Variants in EXT1 observed in about 807,000 individuals in gnomAD.
The protein encoded by EXT1 is exostosin glycosyltransferase 1.
EXT1 carries 20 observed loss-of-function variants against 82.5 expected under a neutral mutation model. That is an observed-to-expected ratio of 0.24 (90% CI 0.17 to 0.35). EXT1 has a LOEUF of 0.35. Ranked by LOEUF, EXT1 falls within the 10% of genes least tolerant of loss-of-function variation. The pLI is 1.00. For synonymous variants in EXT1, 348 were observed against 350.8 expected (o/e 0.99, Z 0.09); for missense variants, 757 against 936.5 (o/e 0.81, Z 2.50).
rs1363815113 is a variant in EXT1, at chr8:117,799,852, G to A, written c.2101C>T (p.Arg701Ter). 1.9e-6 allele frequency: 3 copies of A among 1,614,154 alleles called. No homozygotes were observed. The highest frequency in any genetic ancestry group is 2.5e-6 in the Non-Finnish European group (3 of 1,180,036). Residue 701 changes from arginine (R) to a stop codon, truncating the protein, a stop_gained, in exon 11 of 11, where the codon CGA becomes TGA. Transcript: ENST00000378204. LOFTEE classifies it high-confidence loss of function. ...RWADPDHFAQRQSCMNTFASW... is the reference protein window; with the variant it reads ...RWADPDHFAQ ...GCAAACGTATTCATGCAGCTCTGTC[G>A]CTGGGCAAAGTGGTCAGGGTCAGCC...
chr8:118,007,251 C>G (rs141878999), intron 1 of EXT1, among the ~76,000 whole-genome samples: 281 of 151,898 alleles, frequency 1.8e-3, no homozygotes, highest in African/African-American at 6.5e-3. Context: ...GAGCTGAGAT[C>G]GCGCCACTGC....
At chr8:117,952,097 A>T (rs1458417756) in intron 1 of EXT1, among the ~76,000 whole-genome samples, 1 of 152,228 alleles carries the variant, frequency 6.6e-6, no homozygotes, top group Non-Finnish European at 1.5e-5. Context: ...GTATCAGAAC[A>T]CATAAAAACA....
In EXT1 at chr8:117,896,565, T is replaced by G. The variant is rs182550686; in HGVS notation, c.963-59364A>C. Reference sequence around the variant, plus strand: ...CACTCCTCTGCCAACTCTCACGGCTTACATTACCGAGCCATCATCCAGATT... The same window carrying G: ...CACTCCTCTGCCAACTCTCACGGCTGACATTACCGAGCCATCATCCAGATT... On this transcript the variant is annotated intron_variant, in intron 1 of 10. Coordinates refer to ENST00000378204, the MANE Select transcript of EXT1 (RefSeq NM_000127.3). Among the ~76,000 whole-genome samples the G allele has an allele frequency of 4.5e-4, 68 of 152,298 alleles. 1 individual carries two copies. Among genetic ancestry groups the G allele is most frequent in the South Asian group, 1.5e-3 (7 of 4,824 alleles).
In EXT1 at chr8:118,066,506, G is replaced by A. The variant is rs546556608; in HGVS notation, c.962+43579C>T. ...CCTGAGTAACTGGAATTACAGGTGCGCACCACCCACACCCAAAATAGTTTT... is the reference window on the plus strand; with the variant it reads ...CCTGAGTAACTGGAATTACAGGTGCACACCACCCACACCCAAAATAGTTTT... On this transcript the variant is annotated intron_variant, in intron 1 of 10. Transcript: ENST00000378204. 1.0e-4 allele frequency among the ~76,000 whole-genome samples: 15 copies of A among 150,480 alleles called. No homozygotes were observed. In the East Asian group the frequency reaches 2.7e-3, roughly 27 times the overall value.
intron 1 of EXT1, among the ~76,000 whole-genome samples, chr8:117,978,707 T>C (rs909579602): frequency 5.3e-4 from 80 of 152,214 alleles, no homozygotes; most frequent in African/African-American, 1.7e-3. Flanking sequence ...TAATGGTACT[T>C]GTTTGAAAGC....
At chr8:118,062,715 A>G (rs1486730238) in intron 1 of EXT1, among the ~76,000 whole-genome samples, 5 of 152,202 alleles carry the variant, frequency 3.3e-5, no homozygotes, top group Admixed American at 3.3e-4. Context: ...CAGCAGGAAA[A>G]GGGACGGTCC....
At chr8:117,830,920 T>C (rs1394600036) in intron 3 of EXT1, among the ~76,000 whole-genome samples, 1 of 152,216 alleles carries the variant, frequency 6.6e-6, no homozygotes, top group African/African-American at 2.4e-5. Flanking sequence ...CTTCAGCCTT[T>C]ACCCAAGTCT....
chr8:117,848,729 T>C (rs1481147208), intron 1 of EXT1, among the ~76,000 whole-genome samples: 1 of 152,174 alleles, frequency 6.6e-6, no homozygotes, highest in Non-Finnish European at 1.5e-5. Context: ...CTTCTTCCTA[T>C]ACCTCCTTAA....
rs534301708 is a variant in EXT1, at chr8:118,002,192, T to A, written c.962+107893A>T. On this transcript the variant is annotated intron_variant, in intron 1 of 10. Transcript: ENST00000378204. ...TTTTCAAAATAATTCTTCCTCAGCATAAACTCCATTTAAAAAAACATATAT... is the reference window on the plus strand; with the variant it reads ...TTTTCAAAATAATTCTTCCTCAGCAAAAACTCCATTTAAAAAAACATATAT... Among the ~76,000 whole-genome samples, 13 of 152,166 alleles carry A rather than the reference T, an allele frequency of 8.5e-5. No individual in the cohort carries two copies. In the South Asian group the frequency reaches 2.1e-3, roughly 24 times the overall value.
intron 5 of EXT1, among the ~76,000 whole-genome samples, chr8:117,821,684 G>A (rs1402817775): frequency 1.3e-5 from 2 of 152,150 alleles, no homozygotes; most frequent in Non-Finnish European, 2.9e-5. Context: ...GGAGAACAAC[G>A]GCACTGAATG....
intron 1 of EXT1, among the ~76,000 whole-genome samples, chr8:118,107,361 G>A (rs568868435): frequency 6.6e-6 from 1 of 152,152 alleles, no homozygotes; most frequent in South Asian, 2.1e-4. Context: ...TACCAAATGA[G>A]TGCTTAGAGC....
Position 118,050,453 on chromosome 8 carries a change from CTCTT to C in EXT1, c.962+59628_962+59631del, listed in dbSNP as rs556005217. Among the ~76,000 whole-genome samples the C allele has an allele frequency of 4.5e-4, 69 of 152,274 alleles. 1 individual carries two copies. The highest frequency in any genetic ancestry group is 1.6e-3 in the African/African-American group (68 of 41,550). On this transcript the variant is annotated intron_variant, in intron 1 of 10. Coordinates refer to ENST00000378204, the MANE Select transcript of EXT1 (RefSeq NM_000127.3). Reference sequence around the variant, plus strand: ...GTACTGCCTGATTCTAAAGGCTGTGCTCTTTCTATTACTGATGATTATTCATTTT... The same window carrying C: ...GTACTGCCTGATTCTAAAGGCTGTGCTCTATTACTGATGATTATTCATTTT...
At chr8:117,933,203 T>A (rs1181808746) in intron 1 of EXT1, among the ~76,000 whole-genome samples, 1 of 151,746 alleles carries the variant, frequency 6.6e-6, no homozygotes, top group African/African-American at 2.4e-5. Flanking sequence ...ATCTCTGCCA[T>A]AGCTCTTATC....
At chr8:118,036,536 G>A (rs1232154545) in intron 1 of EXT1, among the ~76,000 whole-genome samples, 1 of 152,156 alleles carries the variant, frequency 6.6e-6, no homozygotes, top group East Asian at 1.9e-4. Context: ...ACAAACCCTT[G>A]AGGATAGTAA....
intron 1 of EXT1, among the ~76,000 whole-genome samples, chr8:117,840,408 A>G (rs1232114131): frequency 6.6e-6 from 1 of 152,098 alleles, no homozygotes; most frequent in African/African-American, 2.4e-5. Context: ...ATGTCAGGAG[A>G]TTGAAACCAG....
chr8:118,090,207 A>T (rs1817497471), intron 1 of EXT1, among the ~76,000 whole-genome samples: 2 of 152,182 alleles, frequency 1.3e-5, no homozygotes, highest in African/African-American at 2.4e-5. Context: ...ATACCACTTA[A>T]GACCAGGAGT....
intron 1 of EXT1, among the ~76,000 whole-genome samples, chr8:117,864,957 T>A (rs189585398): frequency 0.027 from 4,077 of 152,008 alleles, 188 homozygotes; most frequent in African/African-American, 0.094. Context: ...GCTGTTTTTT[T>A]TTAAAAAAAT....
At chr8:118,002,381 C>CAAAAA (rs772109456) in intron 1 of EXT1, among the ~76,000 whole-genome samples, 5 of 61,018 alleles carry the variant, frequency 8.2e-5, no homozygotes, top group Admixed American at 3.9e-4. Context: ...ACTCCGTCTC[C>CAAAAA]AAAAAAAAAA....
At chr8:117,884,535 C>G (rs972833928) in intron 1 of EXT1, among the ~76,000 whole-genome samples, 15 of 152,324 alleles carry the variant, frequency 9.8e-5, no homozygotes, top group African/African-American at 3.6e-4. Flanking sequence ...ACAGTAAACA[C>G]GCACAGCAAA....
Sources: allele counts gnomAD v4.1 joint callset (sites outside exome capture counted in the v4.1 genomes callset), GRCh38; gene constraint gnomAD v4.1.1; transcripts MANE v1.5; gene names NCBI Gene and HGNC (gene_info 2026-07-23, HGNC 2026-07-21).